The following ATP2B4 variants were observed in gnomAD, a reference collection of about 807,000 sequenced individuals.
ATP2B4 encodes plasma membrane calcium-transporting ATPase 4.
ATP2B4 carries 39 observed loss-of-function variants against 110.3 expected under a neutral mutation model. That is an observed-to-expected ratio of 0.35 (90% CI 0.27 to 0.46). The LOEUF (loss-of-function observed/expected upper bound fraction) is 0.46, where lower values mean the gene tolerates loss of function less well. ATP2B4 is among the 20% of genes least tolerant of loss of function. ATP2B4 has a pLI of 1.00. For missense variants in ATP2B4, 1,135 were observed against 1,530.9 expected (o/e 0.74, Z 4.32); for synonymous variants, 538 against 571.7 (o/e 0.94, Z 0.84).
At chr1:203,687,614 A>G (rs1665236254) in intron 2 of ATP2B4, among the ~76,000 whole-genome samples, 1 of 152,108 alleles carries the variant, frequency 6.6e-6, no homozygotes, top group Admixed American at 6.5e-5. Flanking sequence ...CTTTTCCTTT[A>G]TTTTCTATGG....
At chr1:203,687,919 T>C (rs1482033339) in intron 2 of ATP2B4, among the ~76,000 whole-genome samples, 1 of 152,008 alleles carries the variant, frequency 6.6e-6, no homozygotes, top group African/African-American at 2.4e-5. Context: ...CATGAAATAT[T>C]CCATCCCATT....
chr1:203,738,783 T>C (rs1016224639), intron 20 of ATP2B4, among the ~76,000 whole-genome samples: 4 of 152,212 alleles, frequency 2.6e-5, no homozygotes, highest in Non-Finnish European at 4.4e-5. Context: ...AAGGCATCTT[T>C]TGACACCTGT....
intron 2 of ATP2B4, among the ~76,000 whole-genome samples, chr1:203,694,618 G>C (rs1405590114): frequency 6.6e-6 from 1 of 152,158 alleles, no homozygotes; most frequent in Non-Finnish European, 1.5e-5. Context: ...CTGGGGGGCT[G>C]GGGGAGTCAT....
intron 2 of ATP2B4, among the ~76,000 whole-genome samples, chr1:203,688,276 T>C (rs1316129507): frequency 6.6e-6 from 1 of 151,044 alleles, no homozygotes. Flanking sequence ...GAGCCGCCAC[T>C]GACCCAATGT....
chr1:203,672,480 T>C (rs1251166051), intron 1 of ATP2B4, among the ~76,000 whole-genome samples: 1 of 152,096 alleles, frequency 6.6e-6, no homozygotes, highest in Non-Finnish European at 1.5e-5. Context: ...CGCTTTGCCA[T>C]AGCAACCTAA....
Position 203,727,435 on chromosome 1 carries a change from A to G in ATP2B4, c.3173A>G (p.Lys1058Arg), listed in dbSNP as rs1366342542. The part of the protein sequence containing the change: ...AIPTRSLKFL[K>R]EAGHGTTKEE... Reference sequence around the variant, plus strand: ...CCTACCCGATCCCTGAAGTTCCTGAAGGAGGCTGGGCATGGCACCACCAAA... The same window carrying G: ...CCTACCCGATCCCTGAAGTTCCTGAGGGAGGCTGGGCATGGCACCACCAAA... Residue 1058 changes from lysine (K) to arginine (R), a missense_variant, in exon 20 of 21, where the codon AAG becomes AGG. Physicochemically the swap from Lys to Arg is conservative, Grantham distance 26 (BLOSUM62 2). Transcript: ENST00000357681. The G allele has an allele frequency of 3.7e-6, 6 of 1,614,208 alleles. No homozygotes were observed. In the East Asian group the frequency reaches 1.1e-4, roughly 30 times the overall value.
At chr1:203,645,071 A>G (rs1309869886) in intron 1 of ATP2B4, among the ~76,000 whole-genome samples, 1 of 152,192 alleles carries the variant, frequency 6.6e-6, no homozygotes, top group Non-Finnish European at 1.5e-5. Flanking sequence ...CTTAACAACA[A>G]TGTCAGGAGA....
chr1:203,677,390 C>T (rs1664859553), intron 1 of ATP2B4, among the ~76,000 whole-genome samples: 1 of 152,154 alleles, frequency 6.6e-6, no homozygotes, highest in Non-Finnish European at 1.5e-5. Flanking sequence ...GAAGTAGAGC[C>T]TCGCTTGGAA....
intron 6 of ATP2B4, among the ~76,000 whole-genome samples, chr1:203,701,488 G>A (rs1021152428): frequency 2.6e-5 from 4 of 152,202 alleles, no homozygotes; most frequent in African/African-American, 9.7e-5. Context: ...AAGTCTACAC[G>A]TTTCCCTAAG....
intron 6 of ATP2B4, 79 bp from the exon 7 acceptor site, chr1:203,701,965 C>G: frequency 6.6e-7 from 1 of 1,514,288 alleles, no homozygotes; most frequent in Non-Finnish European, 9.1e-7. Context: ...CTTCTGGGCT[C>G]TGAGCAGGAC....
At chr1:203,685,548 T>C (rs1382596539) in intron 2 of ATP2B4, among the ~76,000 whole-genome samples, 2 of 152,022 alleles carry the variant, frequency 1.3e-5, no homozygotes, top group Non-Finnish European at 2.9e-5. Context: ...CTCTTTAGGA[T>C]GAAAAAAGAG....
At chr1:203,729,647 C>A in intron 20 of ATP2B4, 1 of 1,091,538 alleles carries the variant, frequency 9.2e-7, no homozygotes, top group Non-Finnish European at 1.3e-6. Context: ...GAGAAACATT[C>A]CAGGGTGCTG....
In ATP2B4 at chr1:203,739,707, C is replaced by A. The variant is rs776416532; in HGVS notation, c.3471C>A (p.Asp1157Glu). 26 of 1,614,030 alleles carry A rather than the reference C, an allele frequency of 1.6e-5. No homozygotes were observed. In the African/African-American group the frequency reaches 2.8e-4, roughly 17 times the overall value. The change falls in exon 21 of 21, where the codon GAC (aspartate) becomes GAA (glutamate). Residue 1157 changes from aspartate to glutamate, a missense_variant. Asp to Glu is a conservative substitution (Grantham distance 45, BLOSUM62 2). This residue lies in a region of ATP2B4 where 92 missense variants were observed against 82.5 expected (regional missense o/e 1.11). Coordinates refer to ENST00000357681, the MANE Select transcript of ATP2B4 (RefSeq NM_001684.5). ...ATGAGGAAGAGGAGGAAAATCCTGA[C>A]AAGGCTTCTAAGTTTGGGACTAGGG... Reference protein sequence around the residue: ...LLDEEEEENPDKASKFGTRVL... With the variant: ...LLDEEEEENPEKASKFGTRVL...
At chr1:203,703,189 G>GAC (rs930854731) in intron 7 of ATP2B4, among the ~76,000 whole-genome samples, 2 of 151,440 alleles carry the variant, frequency 1.3e-5, no homozygotes, top group African/African-American at 4.8e-5. Context: ...GAGAGAGAGA[G>GAC]AGAGAGAGAT....
chr1:203,683,228 T>A lies in ATP2B4; in HGVS notation c.23T>A (p.Val8Asp). The change falls in exon 2 of 21, where the codon GTC becomes GAC. Residue 8 changes from valine (V) to aspartate (D), a missense_variant. Transcript: ENST00000357681. ...AAAATGACGAACCCATCAGACCGTG[T>A]CTTGCCTGCCAACTCGATGGCCGAG... Reference protein sequence around the residue: MTNPSDRVLPANSMAESR... With the variant: MTNPSDRDLPANSMAESR... 1.2e-6 allele frequency: 2 copies of A among 1,614,168 alleles called. No individual in the cohort carries two copies. The highest frequency in any genetic ancestry group is 1.7e-6 in the Non-Finnish European group (2 of 1,180,018).
At chr1:203,650,093 A>AC (rs1462388638) in intron 1 of ATP2B4, among the ~76,000 whole-genome samples, 1 of 152,240 alleles carries the variant, frequency 6.6e-6, no homozygotes, top group Non-Finnish European at 1.5e-5. Flanking sequence ...ACATCCCAGA[A>AC]CCAGCCCAGT....
chr1:203,739,902 G>A lies in ATP2B4; in HGVS notation c.*48G>A, dbSNP rs201346377. On this transcript the variant is annotated 3_prime_UTR_variant, in exon 21 of 21. Transcript: ENST00000357681. ...CCCTATTTTACCTATTTCCATTTTC[G>A]TCTATCCCATCTATGAGGTGATGAT... 37 of 1,557,518 alleles carry A rather than the reference G, an allele frequency of 2.4e-5. No homozygotes were observed. Among genetic ancestry groups the A allele is most frequent in the East Asian group, 1.6e-4 (7 of 44,434 alleles).
chr1:203,739,782 T>C lies in ATP2B4; in HGVS notation c.3546T>C (p.Asn1182=), dbSNP rs1666959544. The C allele has an allele frequency of 1.9e-6, 3 of 1,614,178 alleles. No individual in the cohort carries two copies. The highest frequency in any genetic ancestry group is 1.7e-6 in the Non-Finnish European group (2 of 1,180,028). The change falls in exon 21 of 21, where the codon AAT becomes AAC. Residue 1182 remains asparagine (N), a synonymous_variant. Coordinates refer to ENST00000357681, the MANE Select transcript of ATP2B4 (RefSeq NM_001684.5). Reference sequence around the variant, plus strand: ...CTCCATATGCCAATACAAACAACAATGCGGTGGATTGCAACCAAGTGCAGC... The same window carrying C: ...CTCCATATGCCAATACAAACAACAACGCGGTGGATTGCAACCAAGTGCAGC... ...EVTPYANTNN[N]AVDCNQVQLP... is the part of the protein sequence containing the mutation.
At chr1:203,645,141 T>C (rs894177432) in intron 1 of ATP2B4, among the ~76,000 whole-genome samples, 1 of 152,182 alleles carries the variant, frequency 6.6e-6, no homozygotes, top group Non-Finnish European at 1.5e-5. Context: ...TTGCTCAGCT[T>C]ATCTCCTGCA....
Sources: allele counts gnomAD v4.1 joint callset (sites outside exome capture counted in the v4.1 genomes callset), GRCh38; gene constraint gnomAD v4.1.1; regional missense constraint gnomAD v4.1.1; transcripts MANE v1.5; gene names NCBI Gene and HGNC (gene_info 2026-07-23, HGNC 2026-07-21).